The following KCNQ5 variants were observed in gnomAD, a reference collection of about 807,000 sequenced individuals.
The protein encoded by KCNQ5 is potassium voltage-gated channel subfamily Q member 5, also known as potassium voltage-gated channel subfamily KQT member 5.
A neutral mutation model predicts 98.2 loss-of-function variants in KCNQ5; 30 were observed. That is an observed-to-expected ratio of 0.31 (90% CI 0.23 to 0.41). The LOEUF is 0.41. Ranked by LOEUF, KCNQ5 falls within the 10% of genes least tolerant of loss-of-function variation. The pLI, the probability that KCNQ5 is intolerant of heterozygous loss-of-function variation, is 1.00. For synonymous variants in KCNQ5, 458 were observed against 449.4 expected (o/e 1.02, Z -0.24); for missense variants, 835 against 1,182.5 (o/e 0.71, Z 4.31).
At chr6:72,749,696 T>C (rs900854813) in intron 1 of KCNQ5, among the ~76,000 whole-genome samples, 5 of 151,010 alleles carry the variant, frequency 3.3e-5, no homozygotes. Flanking sequence ...TAGGGAATAA[T>C]CATACCTTAA....
chr6:72,910,383 A>G (rs1779878975), intron 1 of KCNQ5, among the ~76,000 whole-genome samples: 2 of 152,166 alleles, frequency 1.3e-5, no homozygotes, highest in Non-Finnish European at 2.9e-5. Context: ...AGAAAAGGAA[A>G]CATTTGCCAG....
At chr6:72,788,658 G>A (rs1773878894) in intron 1 of KCNQ5, among the ~76,000 whole-genome samples, 1 of 152,002 alleles carries the variant, frequency 6.6e-6, no homozygotes, top group South Asian at 2.1e-4. Context: ...AATAATTCTG[G>A]ATTCTATAAT....
intron 1 of KCNQ5, among the ~76,000 whole-genome samples, chr6:72,810,714 T>C (rs370696936): frequency 6.6e-6 from 1 of 152,310 alleles, no homozygotes; most frequent in South Asian, 2.1e-4. Context: ...TCCATGAACA[T>C]GGCTATAAAA....
At chr6:72,880,403 C>T (rs927320555) in intron 1 of KCNQ5, among the ~76,000 whole-genome samples, 1 of 152,116 alleles carries the variant, frequency 6.6e-6, no homozygotes, top group Non-Finnish European at 1.5e-5. Flanking sequence ...GAGCACTAGT[C>T]CCATTCATGA....
In KCNQ5 at chr6:72,782,890, A is replaced by G. The variant is rs1207121193; in HGVS notation, c.398+160303A>G. On this transcript the variant is annotated intron_variant, in intron 1 of 13. Coordinates refer to ENST00000370398, the MANE Select transcript of KCNQ5 (RefSeq NM_019842.4). ...CCTGTTGCTAATCAAATGTTTTTCA[A>G]TGAATGAATCAATGACTACAGCTAG... is the stretch of plus-strand genomic sequence containing the variant. Among the ~76,000 whole-genome samples, 7 of 152,186 alleles carry G rather than the reference A, an allele frequency of 4.6e-5. No homozygotes were observed. The East Asian group carries it at 7.7e-4, about 17-fold the overall frequency.
intron 3 of KCNQ5, among the ~76,000 whole-genome samples, chr6:73,071,764 C>A (rs971455012): frequency 1.3e-5 from 2 of 152,260 alleles, no homozygotes; most frequent in Admixed American, 1.3e-4. Context: ...CATGAGCGAT[C>A]CTCCCCCATG....
chr6:73,165,348 T>C (rs1777754612), intron 10 of KCNQ5, among the ~76,000 whole-genome samples: 1 of 152,112 alleles, frequency 6.6e-6, no homozygotes, highest in African/African-American at 2.4e-5. Flanking sequence ...CATCTGGGCA[T>C]CTCCCAGGGC....
At chr6:72,984,723 G>C (rs933566685) in intron 1 of KCNQ5, among the ~76,000 whole-genome samples, 5 of 152,272 alleles carry the variant, frequency 3.3e-5, no homozygotes, top group African/African-American at 1.2e-4. Flanking sequence ...TGCACCCACT[G>C]TCCAACTGGT....
At position 72,747,700 on chromosome 6, in the gene KCNQ5, T is replaced by G. The variant is rs143928595; in HGVS notation, c.398+125113T>G. Among the ~76,000 whole-genome samples the G allele has an allele frequency of 3.9e-5, 6 of 152,292 alleles. No homozygotes were observed. In the East Asian group the frequency reaches 1.2e-3, roughly 29 times the overall value. The stretch of plus-strand genomic sequence containing the variant: ...TGTCCTCAATGATATTCAGTCTAGT[T>G]AGTTACATAGCATATGAATTGCCAT... On this transcript the variant is annotated intron_variant, in intron 1 of 13. Coordinates refer to ENST00000370398, the MANE Select transcript of KCNQ5 (RefSeq NM_019842.4).
At chr6:72,957,657 T>A (rs913997546) in intron 1 of KCNQ5, among the ~76,000 whole-genome samples, 3 of 152,182 alleles carry the variant, frequency 2.0e-5, no homozygotes, top group Non-Finnish European at 2.9e-5. Flanking sequence ...CTACACTGAT[T>A]GTTTTCATCG....
At chr6:73,089,574 C>T (rs1309466071) in intron 5 of KCNQ5, among the ~76,000 whole-genome samples, 1 of 152,140 alleles carries the variant, frequency 6.6e-6, no homozygotes. Context: ...CATCCTTTCA[C>T]CTTGAGTCTC....
intron 1 of KCNQ5, among the ~76,000 whole-genome samples, chr6:72,649,706 T>C (rs970169661): frequency 2.6e-5 from 4 of 152,262 alleles, no homozygotes; most frequent in African/African-American, 7.2e-5. Context: ...TCATTTAGGA[T>C]GGTGTAATTC....
chr6:73,077,993 G>A (rs533201833), intron 5 of KCNQ5, 106 bp downstream of exon 5: 166 of 922,176 alleles, frequency 1.8e-4, no homozygotes, highest in Non-Finnish European at 2.2e-4. Flanking sequence ...ATTAAATTGC[G>A]AAAGAGAGTT....
intron 5 of KCNQ5, among the ~76,000 whole-genome samples, chr6:73,089,775 G>GTA (rs70994160): frequency 0.86 from 129,602 of 150,776 alleles, 56,547 homozygotes; most frequent in South Asian, 0.95. Context: ...ATTCCATCAT[G>GTA]TATATATATA....
intron 1 of KCNQ5, among the ~76,000 whole-genome samples, chr6:72,660,910 G>A (rs1367240517): frequency 6.6e-6 from 1 of 152,074 alleles, no homozygotes; most frequent in Non-Finnish European, 1.5e-5. Context: ...CGGAACCAAA[G>A]TTATTATAAC....
At chr6:73,146,589 T>C (rs1776932310) in intron 10 of KCNQ5, among the ~76,000 whole-genome samples, 1 of 126,986 alleles carries the variant, frequency 7.9e-6, no homozygotes, top group African/African-American at 3.2e-5. Context: ...ATCGCATCAC[T>C]GCACTCCATC....
intron 1 of KCNQ5, among the ~76,000 whole-genome samples, chr6:72,674,663 G>T (rs187538764): frequency 6.6e-6 from 1 of 152,048 alleles, no homozygotes; most frequent in East Asian, 1.9e-4. Context: ...CCAGCCACTC[G>T]GGAGGCTGAG....
At chr6:73,133,210 A>G (rs1324169823) in intron 9 of KCNQ5, among the ~76,000 whole-genome samples, 1 of 152,180 alleles carries the variant, frequency 6.6e-6, no homozygotes, top group African/African-American at 2.4e-5. Flanking sequence ...GGATGTATGT[A>G]CCTGTAGAAT....
At chr6:73,065,537 C>T (rs1773008882) in intron 3 of KCNQ5, among the ~76,000 whole-genome samples, 1 of 152,144 alleles carries the variant, frequency 6.6e-6, no homozygotes, top group Admixed American at 6.5e-5. Flanking sequence ...CAAAGGTAAC[C>T]AAAATGATCT....
Sources: gnomAD v4.1 joint callset for allele counts (sites outside exome capture counted in the v4.1 genomes callset) on GRCh38, gnomAD v4.1.1 for gene constraint, MANE v1.5 for transcripts, NCBI Gene and HGNC (gene_info 2026-07-23, HGNC 2026-07-21) for gene names.